Variants in MYO18B observed in about 807,000 individuals in gnomAD.
The protein encoded by MYO18B is unconventional myosin-XVIIIb.
Under a neutral mutation model 273.0 loss-of-function variants are expected in MYO18B, and 204 were observed. That is an observed-to-expected ratio of 0.75 (90% CI 0.67 to 0.84). MYO18B has a LOEUF of 0.84. MYO18B is among the 40% of genes least tolerant of loss of function. MYO18B has a pLI of 0.00. For missense variants in MYO18B, 3,212 were observed against 3,287.6 expected (o/e 0.98, Z 0.56); for synonymous variants, 1,330 against 1,305.7 (o/e 1.02, Z -0.40).
the MYO18B span, among the ~76,000 whole-genome samples, chr22:26,057,378 G>A: frequency 1.3e-5 from 2 of 152,046 alleles, no homozygotes; most frequent in African/African-American, 4.8e-5. Flanking sequence ...GCCCAGATGA[G>A]GGATTTACAA....
intron 21 of MYO18B, among the ~76,000 whole-genome samples, chr22:25,862,081 C>T (rs1272326174): frequency 6.6e-6 from 1 of 152,140 alleles, no homozygotes. Flanking sequence ...AATATAATAA[C>T]TATCTGTATG....
At chr22:25,974,485 T>C (rs2093068094) in intron 39 of MYO18B, among the ~76,000 whole-genome samples, 1 of 152,340 alleles carries the variant, frequency 6.6e-6, no homozygotes, top group South Asian at 2.1e-4. Flanking sequence ...TTTAGAACTT[T>C]AGGATTTTAG....
chr22:25,905,734 C>G (rs79063191), intron 31 of MYO18B, among the ~76,000 whole-genome samples: 1,807 of 152,276 alleles, frequency 0.012, 41 homozygotes, highest in African/African-American at 0.041. Flanking sequence ...CTCCAGACAT[C>G]AGTCTCCTTA....
Position 26,026,474 on chromosome 22 carries a change from G to A in MYO18B, c.6500G>A (p.Arg2167Lys). 1.2e-6 allele frequency: 2 copies of A among 1,613,190 alleles called. No homozygotes were observed. Among genetic ancestry groups the A allele is most frequent in the Non-Finnish European group, 1.7e-6 (2 of 1,179,314 alleles). ...AACGAAGAGGCTGGGGACACTGAGAGGACCCAGTCGGCATTGGCACTGAGC... is the reference window on the plus strand; with the variant it reads ...AACGAAGAGGCTGGGGACACTGAGAAGACCCAGTCGGCATTGGCACTGAGC... Reference protein sequence around the residue: ...RINEEAGDTERTQSALALSRA... With the variant: ...RINEEAGDTEKTQSALALSRA... Residue 2167 changes from arginine (R) to lysine (K), a missense_variant, in exon 43 of 44, where the codon AGG becomes AAG. Physicochemically the swap from Arg to Lys is conservative, Grantham distance 26. Coordinates refer to ENST00000335473, the MANE Select transcript of MYO18B (RefSeq NM_032608.7).
chr22:26,052,842 G>A, the MYO18B span, among the ~76,000 whole-genome samples: 25 of 148,682 alleles, frequency 1.7e-4, no homozygotes, highest in East Asian at 7.9e-4. Flanking sequence ...TCGCTCTGTC[G>A]CTCAGGCTGG....
the MYO18B span, among the ~76,000 whole-genome samples, chr22:26,041,364 A>C: frequency 1.4e-5 from 2 of 147,840 alleles, no homozygotes; most frequent in Non-Finnish European, 3.0e-5. Flanking sequence ...AAAAAAAAAA[A>C]AAAAAAAACA....
the MYO18B span, among the ~76,000 whole-genome samples, chr22:26,050,902 G>C: frequency 1.6e-4 from 24 of 152,122 alleles, no homozygotes; most frequent in African/African-American, 5.6e-4. Context: ...GATGAGGTTG[G>C]GGAGAAAAAT....
At chr22:25,936,798 C>G (rs1345581303) in intron 34 of MYO18B, among the ~76,000 whole-genome samples, 7 of 152,134 alleles carry the variant, frequency 4.6e-5, no homozygotes, top group African/African-American at 1.7e-4. Context: ...TGTGTCCTCA[C>G]ATGGTAGAGA....
intron 3 of MYO18B, among the ~76,000 whole-genome samples, chr22:25,767,497 A>G (rs2086548348): frequency 6.6e-6 from 1 of 152,226 alleles, no homozygotes; most frequent in Non-Finnish European, 1.5e-5. Flanking sequence ...GTCAGGTGGT[A>G]TCTGCCTGTA....
rs1247478227 is a variant in MYO18B at position 25,795,481 on chromosome 22, A to G, written c.2377-2472A>G. Among the ~76,000 whole-genome samples, 17 of 152,308 alleles carry G rather than the reference A, an allele frequency of 1.1e-4. No homozygotes were observed. In the South Asian group the frequency reaches 2.5e-3, roughly 22 times the overall value. ...TCTCTTCACACAAGCTACCTGGTAGATGGTGGAATCCTTCTGTAATTTAAA... is the reference window on the plus strand; with the variant it reads ...TCTCTTCACACAAGCTACCTGGTAGGTGGTGGAATCCTTCTGTAATTTAAA... On this transcript the variant is annotated intron_variant, in intron 11 of 43. Transcript: ENST00000335473.
chr22:25,794,123 C>T (rs887837631), intron 11 of MYO18B, among the ~76,000 whole-genome samples: 6 of 152,012 alleles, frequency 3.9e-5, no homozygotes, highest in Admixed American at 1.3e-4. Flanking sequence ...TTGGTAGAGA[C>T]GGGGTTTCAC....
rs200295571 is a variant in MYO18B at position 25,903,730 on chromosome 22, G to A, written c.5047G>A (p.Val1683Ile). ...GTCACCCTCTCTGGGGGAAAATTGC[G>A]TTGCTGGCTTGAAGGAGAGGCTCTG... Reference protein sequence around the residue: ...LGSPSLGENCVAGLKERLWKL... With the variant: ...LGSPSLGENCIAGLKERLWKL... Residue 1683 changes from valine (V) to isoleucine (I), a missense_variant, in exon 31 of 44, where the codon GTT becomes ATT. Val to Ile is a conservative substitution (Grantham distance 29). Coordinates refer to ENST00000335473, the MANE Select transcript of MYO18B (RefSeq NM_032608.7). 623 of 1,606,752 alleles carry A rather than the reference G, an allele frequency of 3.9e-4. No homozygotes were observed. Among genetic ancestry groups the A allele is most frequent in the Non-Finnish European group, 4.5e-4 (527 of 1,176,618 alleles).
intron 5 of MYO18B, 26 bp from the exon 6 acceptor site, chr22:25,770,846 C>G (rs1207580984): frequency 2.0e-6 from 3 of 1,521,866 alleles, no homozygotes; most frequent in Non-Finnish European, 2.7e-6. Context: ...CCCCGTTCCC[C>G]TTCTCTCTCT....
intron 21 of MYO18B, among the ~76,000 whole-genome samples, chr22:25,860,912 AGGCTCTT>A (rs2146102029): frequency 6.6e-6 from 1 of 150,528 alleles, no homozygotes; most frequent in African/African-American, 2.5e-5. Flanking sequence ...GAGACAGGGC[AGGCTCTT>A]GCTCTGTTGC....
At position 25,949,492 on chromosome 22, in the gene MYO18B, A is replaced by G. The variant is rs149600875; in HGVS notation, c.5749-875A>G. On this transcript the variant is annotated intron_variant, in intron 36 of 43. Transcript: ENST00000335473. ...CACATAATGACTGCATAATGGGGAG[A>G]ACAGCTCCCTCCTTGCAATACACCA... Among the ~76,000 whole-genome samples the G allele has an allele frequency of 5.1e-3, 779 of 152,324 alleles. 11 individuals are homozygous for G. Among genetic ancestry groups the G allele is most frequent in the African/African-American group, 0.018 (744 of 41,566 alleles).
intron 42 of MYO18B, among the ~76,000 whole-genome samples, chr22:26,007,116 A>G (rs1934496055): frequency 6.6e-6 from 1 of 152,170 alleles, no homozygotes; most frequent in Non-Finnish European, 1.5e-5. Context: ...GCTTGCACCA[A>G]GAACAGGGAG....
rs753157829 is a variant in MYO18B at position 25,895,140 on chromosome 22, T to C, written c.4544-16T>C. The stretch of plus-strand genomic sequence containing the variant: ...ATTTGGCCTCTTATCCTGGTCTCCC[T>C]GACTCCGTTAAACAGCAGACGAGTG... On this transcript the variant is annotated splice_polypyrimidine_tract_variant and intron_variant, in intron 27 of 43. Transcript: ENST00000335473. The C allele has an allele frequency of 1.9e-6, 3 of 1,611,702 alleles. No individual in the cohort carries two copies. The South Asian group carries it at 3.3e-5, about 18-fold the overall frequency.
At chr22:25,880,846 AG>A in intron 25 of MYO18B, among the ~76,000 whole-genome samples, 1 of 152,350 alleles carries the variant, frequency 6.6e-6, no homozygotes, top group South Asian at 2.1e-4. Flanking sequence ...ATTCCATGGA[AG>A]GGGATGTTGG....
intron 36 of MYO18B, among the ~76,000 whole-genome samples, chr22:25,948,187 A>G (rs1354201024): frequency 6.6e-6 from 1 of 152,032 alleles, no homozygotes; most frequent in Non-Finnish European, 1.5e-5. Flanking sequence ...TTGTCCATCC[A>G]TCCATCCGTC....
Sources: gnomAD v4.1 joint callset for allele counts (sites outside exome capture counted in the v4.1 genomes callset) on GRCh38, gnomAD v4.1.1 for gene constraint, MANE v1.5 for transcripts, NCBI Gene and HGNC (gene_info 2026-07-23, HGNC 2026-07-21) for gene names.